The following TRIM25 variants were observed in gnomAD, a reference collection of about 807,000 sequenced individuals.
TRIM25 encodes E3 ubiquitin/ISG15 ligase TRIM25.
In TRIM25, 45 loss-of-function variants were observed where a neutral mutation model predicts 65.2. The observed-to-expected ratio is 0.69, with a 90% confidence interval of 0.54 to 0.89. The LOEUF is 0.89. Among genes scored for constraint, TRIM25 ranks in the 40% least tolerant of loss-of-function variants. TRIM25 has a pLI of 0.00. For synonymous variants in TRIM25, 321 were observed against 340.4 expected, an observed-to-expected ratio of 0.94 and a Z score of 0.63; for missense variants, 714 against 803.7, an observed-to-expected ratio of 0.89 and a Z score of 1.35.
In TRIM25 at chr17:56,890,871, C is replaced by T. The variant is rs963291752; in HGVS notation, c.*829G>A. The T allele has an allele frequency of 2.2e-6, 1 of 456,588 alleles. No individual in the cohort carries two copies. The highest frequency in any genetic ancestry group is 2.0e-5 in the African/African-American group (1 of 50,074). The allele number at this position is 456,588 out of a possible 1,614,324, so 28.3% of individuals were successfully genotyped here. ...CAGCCAAGGCTATGGGAAGCAAGGC[C>T]TCCAGCAAAGCTCATGGCTGCCACC... On this transcript the variant is annotated 3_prime_UTR_variant, in exon 9 of 9. Transcript: ENST00000316881.
rs149839164 is a variant in TRIM25, at chr17:56,895,260, A to G, written c.1363+83T>C. ...AGGGGAGTGGCTGATATAGCCGGCC[A>G]GCTGGCCTCACAGAGAGCTGCACAG... On this transcript the variant is annotated intron_variant, in intron 8 of 8. Coordinates refer to ENST00000316881, the MANE Select transcript of TRIM25 (RefSeq NM_005082.5). The G allele has an allele frequency of 1.2e-3, 1,344 of 1,096,668 alleles. 3 individuals carry two copies. Among genetic ancestry groups the G allele is most frequent in the Non-Finnish European group, 1.6e-3 (1,193 of 732,664 alleles). 67.9% of individuals were successfully genotyped at this position (1,096,668 alleles called of 1,614,324 possible). A position where few individuals can be genotyped will look rare whatever the true frequency, so the allele number is the denominator to read the frequency against.
At chr17:56,895,662 C>A in intron 6 of TRIM25, 58 bp from the exon 7 acceptor site, 1 of 1,487,040 alleles carries the variant, frequency 6.7e-7, no homozygotes, top group South Asian at 1.3e-5. Flanking sequence ...CTACTCCCTT[C>A]CACACTGATT....
At chr17:56,904,231 C>A in intron 3 of TRIM25, 24 bp downstream of exon 3, 153 of 1,344,402 alleles carry the variant, frequency 1.1e-4, no homozygotes, top group Middle Eastern at 1.9e-4. Context: ...AAAAAACATT[C>A]AACAATGCCT....
At position 56,895,603 on chromosome 17, in the gene TRIM25, G is replaced by C. The variant is rs147669086; in HGVS notation, c.1182C>G (p.Pro394=). 1.9e-6 allele frequency: 3 copies of C among 1,556,302 alleles called. No individual in the cohort carries two copies. The highest frequency in any genetic ancestry group is 2.6e-6 in the Non-Finnish European group (3 of 1,150,282). Residue 394 remains proline, a splice_region_variant and synonymous_variant, in exon 7 of 9, where the codon CCC becomes CCG. Transcript: ENST00000316881. The part of the protein sequence containing the change: ...SKEEKKSKKP[P]PVPALPSKLP... The stretch of plus-strand genomic sequence containing the variant: ...GCTTGCTGGGTAAGGCAGGGACAGG[G>C]GCTGGGGGTAAGGAAAGGGAAATAT...
chr17:56,913,923 C>A lies in TRIM25; in HGVS notation c.66G>T (p.Glu22Asp). 6.3e-7 allele frequency: 1 copy of A among 1,581,314 alleles called. No individual in the cohort carries two copies. Among genetic ancestry groups the A allele is most frequent in the Admixed American group, 1.8e-5 (1 of 54,790 alleles). The change falls in exon 1 of 9, where the codon GAG becomes GAT. Residue 22 changes from glutamate (E) to aspartate (D), a missense_variant. Around this residue, in one of 3 missense-constraint regions of TRIM25, gnomAD observed 291 missense variants for 281.8 expected, o/e 1.03. Coordinates refer to ENST00000316881, the MANE Select transcript of TRIM25 (RefSeq NM_005082.5). The surrounding 1 kb of genome is among the most constrained non-coding windows in gnomAD (Gnocchi z 6.1). ...SCSICLEPFK[E>D]PVTTPCGHNF... ...TGTGGCCGCACGGAGTGGTGACCGG[C>A]TCCTTGAAGGGCTCCAGGCAGATGG...
chr17:56,908,423 C>T (rs368532438), intron 2 of TRIM25, 45 bp downstream of exon 2: 226 of 1,595,102 alleles, frequency 1.4e-4, no homozygotes, highest in Non-Finnish European at 1.7e-4. Flanking sequence ...GGAAGCTGAG[C>T]GAAGCCACAG....
intron 1 of TRIM25, among the ~76,000 whole-genome samples, chr17:56,910,676 G>A (rs753621944): frequency 6.6e-6 from 1 of 152,200 alleles, no homozygotes; most frequent in African/African-American, 2.4e-5. Flanking sequence ...AAAAACTTTG[G>A]TAGCAGCAAT....
At chr17:56,909,509 A>G (rs1458823246) in intron 1 of TRIM25, among the ~76,000 whole-genome samples, 10 of 152,032 alleles carry the variant, frequency 6.6e-5, no homozygotes, top group Admixed American at 5.2e-4. Context: ...ACATGGCAAA[A>G]CCCTGTCTCT....
At position 56,898,756 on chromosome 17, in the gene TRIM25, A is replaced by G. The variant is rs556156898; in HGVS notation, c.1153+359T>C. Among the ~76,000 whole-genome samples the G allele has an allele frequency of 2.3e-4, 35 of 151,874 alleles. 1 individual carries two copies. The highest frequency in any genetic ancestry group is 3.4e-3 in the Middle Eastern group (1 of 292). ...AACATGGTAATAGCAGAAGCCCATT[A>G]CAACCCAGAGACTTAACACTGCTGA... On this transcript the variant is annotated intron_variant, in intron 5 of 8. Transcript: ENST00000316881.
chr17:56,893,600 GA>G (rs1253647276), intron 8 of TRIM25, among the ~76,000 whole-genome samples: 12 of 152,384 alleles, frequency 7.9e-5, no homozygotes, highest in African/African-American at 2.6e-4. Context: ...CCTCCACATG[GA>G]AGTGGGTACC....
At chr17:56,908,242 A>G (rs187760955) in intron 2 of TRIM25, among the ~76,000 whole-genome samples, 2 of 152,314 alleles carry the variant, frequency 1.3e-5, no homozygotes, top group African/African-American at 4.8e-5. Context: ...CCTAATTTAT[A>G]ATGATTTCCC....
At chr17:56,910,040 C>G (rs2144363680) in intron 1 of TRIM25, among the ~76,000 whole-genome samples, 1 of 152,276 alleles carries the variant, frequency 6.6e-6, no homozygotes, top group East Asian at 1.9e-4. Context: ...GACAAGGACA[C>G]TGAGGCACAG....
rs897822711 is a variant in TRIM25 at position 56,909,559 on chromosome 17, C to T, written c.598-996G>A. Among the ~76,000 whole-genome samples, 3 of 152,010 alleles carry T rather than the reference C, an allele frequency of 2.0e-5. No individual in the cohort carries two copies. The South Asian group carries it at 6.2e-4, about 31-fold the overall frequency. On this transcript the variant is annotated intron_variant, in intron 1 of 8. Coordinates refer to ENST00000316881, the MANE Select transcript of TRIM25 (RefSeq NM_005082.5). ...AATTAGCCAGGTGTGGTGGTGCACA[C>T]CTGTAGTCCCAGCTACTTAGGGGGC...
chr17:56,905,724 G>A (rs927831386), intron 2 of TRIM25, among the ~76,000 whole-genome samples: 6 of 152,176 alleles, frequency 3.9e-5, no homozygotes, highest in African/African-American at 1.4e-4. Context: ...TTGGGAGACC[G>A]AGGCAGGAGG....
chr17:56,905,403 A>C (rs1247096348), intron 2 of TRIM25, among the ~76,000 whole-genome samples: 2 of 152,110 alleles, frequency 1.3e-5, no homozygotes, highest in African/African-American at 4.8e-5. Context: ...AAAAGTCAGG[A>C]TGCAGCTCTG....
chr17:56,892,848 G>A (rs1328908040), intron 8 of TRIM25, among the ~76,000 whole-genome samples: 1 of 152,192 alleles, frequency 6.6e-6, no homozygotes, highest in East Asian at 1.9e-4. Flanking sequence ...ACTCCAACAA[G>A]CAAGGCAAGT....
rs1053113341 is a variant in TRIM25 at position 56,889,464 on chromosome 17, T to C, written c.*2236A>G. ...CTCCAACTCTAGGACTCCAGGGTTG[T>C]GTGGCGGCCCTGCAAGGCTAGGTTA... On this transcript the variant is annotated 3_prime_UTR_variant, in exon 9 of 9. Coordinates refer to ENST00000316881, the MANE Select transcript of TRIM25 (RefSeq NM_005082.5). The C allele has an allele frequency of 1.3e-5, 4 of 301,818 alleles. No homozygotes were observed. Among genetic ancestry groups the C allele is most frequent in the South Asian group, 3.2e-4 (2 of 6,174 alleles). 18.7% of individuals were successfully genotyped at this position (301,818 alleles called of 1,614,324 possible).
At position 56,891,847 on chromosome 17, in the gene TRIM25, G is replaced by C; in HGVS notation, c.1746C>G (p.Asn582Lys). ...TKATRVGVLL[N>K]CDHGFVIFFA... ...AGAAGATGACAAAGCCGTGGTCACA[G>C]TTGAGAAGCACGCCCACCCGCGTGG... Residue 582 changes from asparagine to lysine, a missense_variant, in exon 9 of 9, where the codon AAC becomes AAG. By Grantham distance (94) the Asn-to-Lys change is moderately conservative (BLOSUM62 0). Coordinates refer to ENST00000316881, the MANE Select transcript of TRIM25 (RefSeq NM_005082.5). 1 of 1,614,258 alleles carries C rather than the reference G, an allele frequency of 6.2e-7. No homozygotes were observed. Among genetic ancestry groups the C allele is most frequent in the South Asian group, 1.1e-5 (1 of 91,090 alleles).
chr17:56,904,593 C>T (rs1909484249), intron 2 of TRIM25, 105 bp from the exon 3 acceptor site: 2 of 1,045,428 alleles, frequency 1.9e-6, no homozygotes, highest in South Asian at 3.0e-5. Context: ...CTTACCTGTA[C>T]TTTGTGGGAG....
Sources: gnomAD v4.1 joint callset for allele counts (sites outside exome capture counted in the v4.1 genomes callset) on GRCh38, gnomAD v4.1.1 for gene constraint, gnomAD v4.1.1 regional missense constraint, Gnocchi (gnomAD v3.1) non-coding constraint, MANE v1.5 for transcripts, NCBI Gene and HGNC (gene_info 2026-07-23, HGNC 2026-07-21) for gene names.